Variants in COL4A3 observed in about 807,000 individuals in gnomAD.
COL4A3 encodes the protein collagen alpha-3(IV) chain.
COL4A3 carries 135 observed loss-of-function variants against 217.4 expected under a neutral mutation model. The ratio of observed to expected loss-of-function variants is 0.62; its 90% confidence interval spans 0.54 to 0.72. The LOEUF is 0.72. COL4A3 is among the 30% of genes least tolerant of loss of function. COL4A3 has a pLI of 0.00. For synonymous variants in COL4A3, 690 were observed against 736.3 expected, an observed-to-expected ratio of 0.94 and a Z score of 1.02; for missense variants, 1,868 against 2,119.9, an observed-to-expected ratio of 0.88 and a Z score of 2.33.
intron 2 of COL4A3, 107 bp downstream of exon 2, chr2:227,238,131 A>G (rs781582622): frequency 4.0e-6 from 3 of 754,564 alleles, no homozygotes; most frequent in Non-Finnish European, 7.1e-6. Context: ...ATGTTGTTCC[A>G]TTTCCCAAAT....
intron 28 of COL4A3, 172 bp from the exon 29 acceptor site, chr2:227,279,621 C>A (rs985065011): frequency 1.0e-5 from 6 of 576,252 alleles, no homozygotes; most frequent in Non-Finnish European, 1.9e-5. Flanking sequence ...AAATAGGAAC[C>A]AATGTAATTT....
chr2:227,286,321 A>C (rs1660947370), intron 34 of COL4A3, among the ~76,000 whole-genome samples: 1 of 140,446 alleles, frequency 7.1e-6, no homozygotes, highest in Non-Finnish European at 1.5e-5. Context: ...GCAAAACCCC[A>C]TCTCTACTAA....
intron 20 of COL4A3, among the ~76,000 whole-genome samples, chr2:227,263,056 T>C (rs1323106220): frequency 6.6e-6 from 1 of 152,130 alleles, no homozygotes; most frequent in East Asian, 1.9e-4. Flanking sequence ...ATGTATCCCA[T>C]AAATTAGTAC....
At position 227,312,139 on chromosome 2, in the gene COL4A3, C is replaced by A. The variant is rs965954894; in HGVS notation, c.*269C>A. On this transcript the variant is annotated 3_prime_UTR_variant, in exon 52 of 52. Coordinates refer to ENST00000396578, the MANE Select transcript of COL4A3 (RefSeq NM_000091.5). ...CACCAAAAACCTATTCCACTTACAT[C>A]CAAGGCACTGTCACTACGGTGATTG... is the stretch of plus-strand genomic sequence containing the variant. The A allele has an allele frequency of 4.7e-5, 21 of 446,122 alleles. No homozygotes were observed. In the Admixed American group the frequency reaches 5.1e-4, roughly 11 times the overall value. 27.6% of individuals were successfully genotyped at this position (446,122 alleles called of 1,614,324 possible). A position where few individuals can be genotyped will look rare whatever the true frequency, so the allele number is the denominator to read the frequency against.
intron 1 of COL4A3, among the ~76,000 whole-genome samples, chr2:227,175,798 A>G (rs2065655620): frequency 6.6e-6 from 1 of 152,216 alleles, no homozygotes; most frequent in African/African-American, 2.4e-5. Flanking sequence ...AGCAAAAGAG[A>G]TATAATGCAG....
intron 39 of COL4A3, 29 bp downstream of exon 39, chr2:227,294,599 T>C (rs778913620): frequency 2.0e-6 from 3 of 1,466,224 alleles, no homozygotes; most frequent in African/African-American, 2.8e-5. Flanking sequence ...CTCTTTTTCC[T>C]TTTCATGTGG....
rs1461600322 is a variant in COL4A3 at position 227,314,680 on chromosome 2, A to G, written c.*2810A>G. On this transcript the variant is annotated 3_prime_UTR_variant, in exon 52 of 52. Transcript: ENST00000396578. ...ATATTTAAAATATATTGAATATTTT[A>G]TATTGTTATATCCTGACAAGATTAT... 3 of 151,684 alleles carry G rather than the reference A, an allele frequency of 2.0e-5. No individual in the cohort carries two copies. Among genetic ancestry groups the G allele is most frequent in the African/African-American group, 7.3e-5 (3 of 41,132 alleles). The allele number at this position is 151,684 out of a possible 1,614,324, so 9.4% of individuals were successfully genotyped here. A position where few individuals can be genotyped will look rare whatever the true frequency, so the allele number is the denominator to read the frequency against.
rs540081054 is a variant in COL4A3 at position 227,199,865 on chromosome 2, G to T, written c.87+35052G>T. 3.3e-5 allele frequency among the ~76,000 whole-genome samples: 5 copies of T among 152,314 alleles called. 1 individual carries two copies. In the East Asian group the frequency reaches 7.7e-4, roughly 23 times the overall value. ...AAACAAACAAAAAACTAGTCCGAAG[G>T]ATGGATCGTGCCTCCCAATGTTAAT... On this transcript the variant is annotated intron_variant, in intron 1 of 51. Coordinates refer to ENST00000396578, the MANE Select transcript of COL4A3 (RefSeq NM_000091.5).
chr2:227,276,325 C>A, intron 26 of COL4A3, 60 bp from the exon 27 acceptor site: 1 of 1,221,450 alleles, frequency 8.2e-7, no homozygotes, highest in Non-Finnish European at 1.2e-6. Flanking sequence ...GTATTTTCCG[C>A]TATCGTCTAA....
At chr2:227,230,244 G>T (rs1002101595) in intron 1 of COL4A3, among the ~76,000 whole-genome samples, 11 of 152,074 alleles carry the variant, frequency 7.2e-5, no homozygotes, top group African/African-American at 2.7e-4. Context: ...CCGTAAAACA[G>T]AAATGCAACT....
intron 37 of COL4A3, among the ~76,000 whole-genome samples, chr2:227,292,139 A>G (rs1048741678): frequency 6.6e-6 from 1 of 152,222 alleles, no homozygotes; most frequent in African/African-American, 2.4e-5. Flanking sequence ...CAATATATAA[A>G]AAGTATTACT....
intron 1 of COL4A3, among the ~76,000 whole-genome samples, chr2:227,234,124 T>C (rs1444620901): frequency 2.6e-5 from 4 of 152,118 alleles, no homozygotes; most frequent in South Asian, 2.1e-4. Flanking sequence ...CAGTGTCATG[T>C]TGCGTGCAGT....
At chr2:227,203,299 A>G (rs550480860) in intron 1 of COL4A3, among the ~76,000 whole-genome samples, 1 of 76,844 alleles carries the variant, frequency 1.3e-5, no homozygotes, top group Non-Finnish European at 2.6e-5. Flanking sequence ...ATATATGTGT[A>G]TATATGTGTA....
At chr2:227,217,560 G>A (rs778402588) in intron 1 of COL4A3, among the ~76,000 whole-genome samples, 19 of 152,150 alleles carry the variant, frequency 1.2e-4, no homozygotes, top group Non-Finnish European at 2.5e-4. Flanking sequence ...CTGATATTGA[G>A]CATAACAAAA....
intron 1 of COL4A3, among the ~76,000 whole-genome samples, chr2:227,170,220 T>C (rs894448488): frequency 3.3e-5 from 5 of 152,160 alleles, no homozygotes; most frequent in Admixed American, 1.3e-4. Flanking sequence ...TAACAGTTTG[T>C]AGATACTCTT....
In COL4A3 at chr2:227,254,106, T is replaced by C. The variant is rs1488190264; in HGVS notation, c.766-6T>C. 3 of 1,613,614 alleles carry C rather than the reference T, an allele frequency of 1.9e-6. No homozygotes were observed. Among genetic ancestry groups the C allele is most frequent in the Non-Finnish European group, 2.5e-6 (3 of 1,179,596 alleles). On this transcript the variant is annotated splice_region_variant and splice_polypyrimidine_tract_variant and intron_variant, in intron 13 of 51. Transcript: ENST00000396578. ...TTGTAACAATGTTGAACTGTTTCTTTGGCAGGACCTCAAGGGGGAAAAGGG... is the reference window on the plus strand; with the variant it reads ...TTGTAACAATGTTGAACTGTTTCTTCGGCAGGACCTCAAGGGGGAAAAGGG...
chr2:227,204,633 A>G (rs952784658), intron 1 of COL4A3, among the ~76,000 whole-genome samples: 1 of 152,196 alleles, frequency 6.6e-6, no homozygotes, highest in East Asian at 1.9e-4. Context: ...GCTTAATCCT[A>G]TTAGCCAACA....
chr2:227,306,861 A>G (rs938869920), intron 47 of COL4A3, among the ~76,000 whole-genome samples: 1 of 152,114 alleles, frequency 6.6e-6, no homozygotes, highest in African/African-American at 2.4e-5. Context: ...CCATGGCCCA[A>G]GTCTGGTTGG....
chr2:227,273,219 C>CAAGT, intron 26 of COL4A3, 102 bp downstream of exon 26: 1 of 1,252,720 alleles, frequency 8.0e-7, no homozygotes, highest in Non-Finnish European at 1.2e-6. Flanking sequence ...TAGAAACTTG[C>CAAGT]TTCTAACGAA....
Sources: allele counts gnomAD v4.1 joint callset (sites outside exome capture counted in the v4.1 genomes callset), GRCh38; gene constraint gnomAD v4.1.1; transcripts MANE v1.5; gene names NCBI Gene and HGNC (gene_info 2026-07-23, HGNC 2026-07-21).